Variants in MDFIC2 observed in about 807,000 individuals in gnomAD.
MDFIC2 encodes the protein myoD family inhibitor domain-containing protein 2.
chr3:70,276,582 T>C (rs1446677030), intron 2 of MDFIC2, among the ~76,000 whole-genome samples: 1 of 152,236 alleles, frequency 6.6e-6, no homozygotes, highest in Non-Finnish European at 1.5e-5. Flanking sequence ...GTTAGACACC[T>C]ACCTGAGGAT....
At chr3:70,236,366 T>G (rs563545394) in intron 2 of MDFIC2, among the ~76,000 whole-genome samples, 1 of 152,308 alleles carries the variant, frequency 6.6e-6, no homozygotes, top group Admixed American at 6.5e-5. Flanking sequence ...ACTTCTTGTA[T>G]ATTTTATGTA....
intron 2 of MDFIC2, among the ~76,000 whole-genome samples, chr3:70,295,685 C>A (rs1001791533): frequency 1.3e-5 from 2 of 152,020 alleles, no homozygotes; most frequent in Admixed American, 1.3e-4. Context: ...GTGTGAGACC[C>A]TATCTCAAAA....
At chr3:70,283,332 C>T (rs1441871249) in intron 2 of MDFIC2, among the ~76,000 whole-genome samples, 1 of 151,930 alleles carries the variant, frequency 6.6e-6, no homozygotes, top group Non-Finnish European at 1.5e-5. Flanking sequence ...AGTAAATGCT[C>T]AATAGTGGCT....
rs887838904 is a variant in MDFIC2, at chr3:70,194,497, T to C, written c.*2429A>G. ...CCATTCATGTTTGCAAAAAGGATGA[T>C]GTTTTATTATTGGTTATAAAGAAAA... On this transcript the variant is annotated 3_prime_UTR_variant, in exon 4 of 4. Coordinates refer to ENST00000567252, the MANE Select transcript of MDFIC2 (RefSeq NM_001364677.1). Among the ~76,000 whole-genome samples the C allele has an allele frequency of 6.6e-6, 1 of 152,212 alleles. No homozygotes were observed. Among genetic ancestry groups the C allele is most frequent in the East Asian group, 1.9e-4 (1 of 5,190 alleles).
intron 2 of MDFIC2, among the ~76,000 whole-genome samples, chr3:70,268,958 T>G (rs2106669524): frequency 6.6e-6 from 1 of 152,198 alleles, no homozygotes; most frequent in Non-Finnish European, 1.5e-5. Flanking sequence ...TGCTCTCCTT[T>G]GAACCAGGAA....
At chr3:70,297,198 G>T (rs1464261985) in intron 2 of MDFIC2, among the ~76,000 whole-genome samples, 1 of 152,088 alleles carries the variant, frequency 6.6e-6, no homozygotes, top group Non-Finnish European at 1.5e-5. Flanking sequence ...TTAAATAAGT[G>T]TATGAATTAT....
At chr3:70,304,416 C>T (rs1296000437) in intron 2 of MDFIC2, among the ~76,000 whole-genome samples, 4 of 152,162 alleles carry the variant, frequency 2.6e-5, no homozygotes. Flanking sequence ...TGACAGTTTC[C>T]ATGGGGATAC....
chr3:70,282,605 T>G (rs1702099515), intron 2 of MDFIC2, among the ~76,000 whole-genome samples: 1 of 152,194 alleles, frequency 6.6e-6, no homozygotes. Context: ...TTTTCTATGC[T>G]GGAAATCCTT....
chr3:70,312,041 A>G (rs1702459364), intron 1 of MDFIC2, 68 bp from the exon 2 acceptor site: 5 of 396,312 alleles, frequency 1.3e-5, no homozygotes, highest in Middle Eastern at 6.4e-4. Context: ...ATCGAGTTTT[A>G]TATTTAGAAA....
At chr3:70,262,047 A>T (rs1489833898) in intron 2 of MDFIC2, among the ~76,000 whole-genome samples, 1 of 152,140 alleles carries the variant, frequency 6.6e-6, no homozygotes, top group Admixed American at 6.5e-5. Flanking sequence ...GCCATTCCTC[A>T]TGTGTCCTTG....
At chr3:70,218,962 A>G (rs1384772449) in intron 2 of MDFIC2, among the ~76,000 whole-genome samples, 3 of 151,802 alleles carry the variant, frequency 2.0e-5, no homozygotes, top group African/African-American at 4.8e-5. Flanking sequence ...AAATAACAGG[A>G]CAATTTTATG....
rs530288322 is a variant in MDFIC2, at chr3:70,197,044, T to C, written c.452A>G (p.His151Arg). 2.0e-5 allele frequency: 8 copies of C among 398,360 alleles called. 1 individual carries two copies. The highest frequency in any genetic ancestry group is 8.8e-5 in the Admixed American group (2 of 22,708). 24.7% of individuals were successfully genotyped at this position (398,360 alleles called of 1,614,324 possible). ...RRYHHTSDEN[H>R]SRNDCSCNCD... is the part of the protein sequence containing the mutation. ...ATTGCAGCTGCAATCATTCCGAGAGTGGTTTTCATCCGAGGTGTGGTGATA... is the reference window on the plus strand; with the variant it reads ...ATTGCAGCTGCAATCATTCCGAGAGCGGTTTTCATCCGAGGTGTGGTGATA... The change falls in exon 4 of 4, where the codon CAC (histidine) becomes CGC (arginine). Residue 151 changes from histidine (H) to arginine (R), a missense_variant. By Grantham distance (29) the His-to-Arg change is conservative (BLOSUM62 0). Coordinates refer to ENST00000567252, the MANE Select transcript of MDFIC2 (RefSeq NM_001364677.1).
At chr3:70,297,726 T>A (rs1422479714) in intron 2 of MDFIC2, among the ~76,000 whole-genome samples, 1 of 152,042 alleles carries the variant, frequency 6.6e-6, no homozygotes, top group African/African-American at 2.4e-5. Flanking sequence ...TTTCCTTTTG[T>A]GGGGTATGTG....
chr3:70,290,716 C>T (rs924008249), intron 2 of MDFIC2, among the ~76,000 whole-genome samples: 4 of 152,114 alleles, frequency 2.6e-5, no homozygotes, highest in Non-Finnish European at 1.5e-5. Context: ...AGTGAGACTC[C>T]GTGGGCGTAG....
chr3:70,250,411 TCACACACACACACACA>T (rs61355248), intron 2 of MDFIC2, among the ~76,000 whole-genome samples: 27 of 124,862 alleles, frequency 2.2e-4, no homozygotes, highest in Admixed American at 3.2e-4. Context: ...TTAATGAATC[TCACACACACACACACA>T]CACACACACA....
chr3:70,243,158 G>A (rs1034721447), intron 2 of MDFIC2, among the ~76,000 whole-genome samples: 8 of 151,978 alleles, frequency 5.3e-5, no homozygotes, highest in Non-Finnish European at 1.2e-4. Context: ...TTTGTCTTCT[G>A]CAGACAAGAG....
At chr3:70,222,338 C>G (rs1701467570) in intron 2 of MDFIC2, among the ~76,000 whole-genome samples, 1 of 152,190 alleles carries the variant, frequency 6.6e-6, no homozygotes, top group South Asian at 2.1e-4. Flanking sequence ...TAAAACTACT[C>G]ATTTTAGCTC....
At chr3:70,312,284 C>T (rs1019626666) in intron 1 of MDFIC2, among the ~76,000 whole-genome samples, 1 of 152,130 alleles carries the variant, frequency 6.6e-6, no homozygotes, top group East Asian at 1.9e-4. Flanking sequence ...AACAAACAAA[C>T]ATTCAGTAGC....
intron 2 of MDFIC2, among the ~76,000 whole-genome samples, chr3:70,251,651 A>T (rs1057205543): frequency 3.3e-5 from 5 of 152,178 alleles, no homozygotes; most frequent in Non-Finnish European, 7.3e-5. Flanking sequence ...CTGCTTTTGC[A>T]TTGAGAATAT....
Sources: gnomAD v4.1 joint callset for allele counts (sites outside exome capture counted in the v4.1 genomes callset) on GRCh38, gnomAD v4.1.1 for gene constraint, MANE v1.5 for transcripts, NCBI Gene and HGNC (gene_info 2026-07-23, HGNC 2026-07-21) for gene names.